ADAMTS20: variants seen among roughly 807,000 people sequenced by gnomAD.
The protein encoded by ADAMTS20 is A disintegrin and metalloproteinase with thrombospondin motifs 20.
ADAMTS20 carries 225 observed loss-of-function variants against 260.1 expected under a neutral mutation model. The ratio of observed to expected loss-of-function variants is 0.87; its 90% CI spans 0.78 to 0.97. ADAMTS20 has a LOEUF of 0.97. ADAMTS20 is among the 50% of genes least tolerant of loss of function. The pLI, the probability that ADAMTS20 is intolerant of heterozygous loss-of-function variation, is 0.00. For missense variants in ADAMTS20, 2,400 were observed against 2,337.7 expected (o/e 1.03, Z -0.55); for synonymous variants, 802 against 769.5 (o/e 1.04, Z -0.70).
chr12:43,419,426 C>T (rs1941188600), intron 28 of ADAMTS20, among the ~76,000 whole-genome samples: 1 of 151,970 alleles, frequency 6.6e-6, no homozygotes, highest in African/African-American at 2.4e-5. Flanking sequence ...CACAAAGTTT[C>T]TATAACAAAA....
chr12:43,445,841 C>T (rs1565552533), intron 15 of ADAMTS20, among the ~76,000 whole-genome samples: 1 of 151,992 alleles, frequency 6.6e-6, no homozygotes, highest in Non-Finnish European at 1.5e-5. Context: ...AACAGAGTAG[C>T]ACCCTGTCTC....
At chr12:43,472,207 G>C (rs11182097) in intron 7 of ADAMTS20, among the ~76,000 whole-genome samples, 1 of 148,108 alleles carries the variant, frequency 6.8e-6, no homozygotes, top group South Asian at 2.1e-4. Context: ...CTCAGGAGCC[G>C]ATGCGATCAA....
chr12:43,464,534 T>A, intron 10 of ADAMTS20, 57 bp downstream of exon 10: 1 of 1,567,878 alleles, frequency 6.4e-7, no homozygotes, highest in East Asian at 2.2e-5. Flanking sequence ...TTGAAATATA[T>A]TCTAAGATAA....
At position 43,383,667 on chromosome 12, in the gene ADAMTS20, A is replaced by G. The variant is rs1565674214; in HGVS notation, c.4688T>C (p.Ile1563Thr). Residue 1563 changes from isoleucine to threonine, a missense_variant, in exon 31 of 39, where the codon ATC (isoleucine) becomes ACC (threonine). Physicochemically the swap from Ile to Thr is moderately conservative, Grantham distance 89. Coordinates refer to ENST00000389420, the MANE Select transcript of ADAMTS20 (RefSeq NM_025003.5). ...HQRMECTDNQ[I>T]RQVNEIVYNS... ...ATAGACTATTTCATTCACTTGTCTG[A>G]TTTGGTTATCTGTGCACTCCATTCG... The G allele has an allele frequency of 6.2e-7, 1 of 1,613,902 alleles. No individual in the cohort carries two copies.
chr12:43,468,226 C>T (rs533412399), intron 8 of ADAMTS20, among the ~76,000 whole-genome samples: 2 of 152,294 alleles, frequency 1.3e-5, no homozygotes, highest in African/African-American at 2.4e-5. Context: ...GTTGGTATTA[C>T]AAATATTTGG....
intron 7 of ADAMTS20, among the ~76,000 whole-genome samples, chr12:43,486,507 C>T (rs1478433323): frequency 1.3e-5 from 2 of 152,108 alleles, no homozygotes; most frequent in Non-Finnish European, 2.9e-5. Context: ...CTCTTCTGGA[C>T]ATTGGCCTAG....
rs773654531 is a variant in ADAMTS20, at chr12:43,434,387, A to T, written c.2594-16T>A. 6.4e-7 allele frequency: 1 copy of T among 1,554,292 alleles called. No homozygotes were observed. The highest frequency in any genetic ancestry group is 2.3e-5 in the East Asian group (1 of 43,108). On this transcript the variant is annotated splice_polypyrimidine_tract_variant and intron_variant, in intron 18 of 38. Coordinates refer to ENST00000389420, the MANE Select transcript of ADAMTS20 (RefSeq NM_025003.5). ...CGCTGAAGACCTTGGCCAAAGTCAA[A>T]TGAAAATAAAAAATGAAAGAAAAAT...
rs566779615 is a variant in ADAMTS20, at chr12:43,372,497, C to T, written c.5446+2882G>A. On this transcript the variant is annotated intron_variant, in intron 36 of 38. Transcript: ENST00000389420. ...CATGGGGAAAGAGAATTGGAGAGTG[C>T]AGATTATAACTCATTTAAGAAATTT... Among the ~76,000 whole-genome samples, 3 of 152,170 alleles carry T rather than the reference C, an allele frequency of 2.0e-5. No individual in the cohort carries two copies. In the East Asian group the frequency reaches 5.8e-4, roughly 29 times the overall value.
chr12:43,460,988 A>ATTTTTTTTTT (rs1161740021), intron 11 of ADAMTS20, among the ~76,000 whole-genome samples: 11 of 26,396 alleles, frequency 4.2e-4, no homozygotes, highest in South Asian at 2.7e-3. Context: ...ATATATATAT[A>ATTTTTTTTTT]TTTTTTTTTT....
intron 26 of ADAMTS20, 51 bp from the exon 27 acceptor site, chr12:43,427,520 G>T: frequency 2.0e-6 from 3 of 1,471,334 alleles, no homozygotes; most frequent in Non-Finnish European, 1.8e-6. Flanking sequence ...TCCACATAAT[G>T]AATTTACATG....
intron 38 of ADAMTS20, among the ~76,000 whole-genome samples, chr12:43,355,016 C>T (rs1939713912): frequency 6.6e-6 from 1 of 152,132 alleles, no homozygotes; most frequent in Non-Finnish European, 1.5e-5. Flanking sequence ...AAGACATTTC[C>T]AGAACATGAG....
At chr12:43,507,248 T>G (rs1471139858) in intron 3 of ADAMTS20, among the ~76,000 whole-genome samples, 4 of 152,160 alleles carry the variant, frequency 2.6e-5, no homozygotes, top group Non-Finnish European at 5.9e-5. Context: ...GAATTATACA[T>G]CAATAAAGCT....
intron 29 of ADAMTS20, among the ~76,000 whole-genome samples, chr12:43,398,639 T>A (rs543515971): frequency 3.3e-5 from 5 of 152,318 alleles, no homozygotes; most frequent in African/African-American, 1.2e-4. Flanking sequence ...TTAGCCTGCA[T>A]AGAATACTAT....
intron 2 of ADAMTS20, among the ~76,000 whole-genome samples, chr12:43,547,777 G>C (rs1205432216): frequency 2.0e-5 from 3 of 152,160 alleles, no homozygotes; most frequent in Non-Finnish European, 4.4e-5. Context: ...AGAATTCAGA[G>C]GGATATACAG....
chr12:43,369,326 T>G lies in ADAMTS20; in HGVS notation c.5502A>C (p.Thr1834=), dbSNP rs758081454. ...TIFGNAVPFA[T]AGDCYSAFRC... is the part of the protein sequence containing the mutation. ...TGAAAGCACTGTAGCAATCTCCAGC[T>G]GTGGCAAATGGAACTGCATTTCCAA... The change falls in exon 37 of 39, where the codon ACA becomes ACC. Residue 1834 remains threonine, a synonymous_variant. Coordinates refer to ENST00000389420, the MANE Select transcript of ADAMTS20 (RefSeq NM_025003.5). The G allele has an allele frequency of 3.2e-6, 5 of 1,560,368 alleles. No homozygotes were observed. Among genetic ancestry groups the G allele is most frequent in the South Asian group, 2.5e-5 (2 of 81,504 alleles).
chr12:43,362,658 C>T (rs115906373), intron 37 of ADAMTS20, among the ~76,000 whole-genome samples: 9 of 151,822 alleles, frequency 5.9e-5, no homozygotes, highest in Non-Finnish European at 1.0e-4. Flanking sequence ...TATGGTTATA[C>T]GGAAAAGGGA....
At chr12:43,472,739 C>G (rs1304287712) in intron 7 of ADAMTS20, among the ~76,000 whole-genome samples, 1 of 150,350 alleles carries the variant, frequency 6.7e-6, no homozygotes, top group Non-Finnish European at 1.5e-5. Flanking sequence ...CCAAACTAAG[C>G]TTCATAAGTG....
chr12:43,492,329 G>A (rs1235464460), intron 6 of ADAMTS20, among the ~76,000 whole-genome samples, 176 bp downstream of exon 6: 1 of 151,134 alleles, frequency 6.6e-6, no homozygotes, highest in Non-Finnish European at 1.5e-5. Context: ...GCAGTGAGCC[G>A]AGATCGCGCC....
chr12:43,372,708 T>C (rs1405437900), intron 36 of ADAMTS20, among the ~76,000 whole-genome samples: 1 of 152,312 alleles, frequency 6.6e-6, no homozygotes, highest in East Asian at 1.9e-4. Context: ...CTTGAGTAGG[T>C]ACAAGGCACT....
Sources: allele counts gnomAD v4.1 joint callset (sites outside exome capture counted in the v4.1 genomes callset), GRCh38; gene constraint gnomAD v4.1.1; transcripts MANE v1.5; gene names NCBI Gene and HGNC (gene_info 2026-07-23, HGNC 2026-07-21).